The following SNTG2 variants were observed in gnomAD, a reference collection of about 807,000 sequenced individuals.
The protein encoded by SNTG2 is syntrophin gamma 2.
A neutral mutation model predicts 70.9 loss-of-function variants in SNTG2; 74 were observed. The observed-to-expected ratio is 1.04, with a 90% CI of 0.86 to 1.27. SNTG2 has a LOEUF of 1.27. SNTG2 is among the 50% of genes most tolerant of loss of function. The pLI is 0.00. For synonymous variants in SNTG2, 278 were observed against 273.8 expected (o/e 1.02, Z -0.15); for missense variants, 717 against 690.7 (o/e 1.04, Z -0.43).
intron 8 of SNTG2, among the ~76,000 whole-genome samples, chr2:1,189,590 G>T (rs1002328306): frequency 6.7e-6 from 1 of 150,054 alleles, no homozygotes; most frequent in East Asian, 2.0e-4. Context: ...ATGGAGTCTC[G>T]CTCTGTTGCC....
At chr2:1,230,330 G>A (rs897261358) in intron 9 of SNTG2, among the ~76,000 whole-genome samples, 1 of 152,170 alleles carries the variant, frequency 6.6e-6, no homozygotes, top group African/African-American at 2.4e-5. Flanking sequence ...TCAGAGGGAC[G>A]GGCACTGGAA....
chr2:1,099,824 G>A (rs979827121), intron 4 of SNTG2, among the ~76,000 whole-genome samples: 5 of 152,212 alleles, frequency 3.3e-5, no homozygotes, highest in Non-Finnish European at 5.9e-5. Context: ...CACAGAATGC[G>A]TTGCCATGAA....
intron 16 of SNTG2, among the ~76,000 whole-genome samples, chr2:1,334,461 A>G (rs961833606): frequency 2.6e-5 from 4 of 152,234 alleles, no homozygotes; most frequent in Non-Finnish European, 4.4e-5. Flanking sequence ...CCAAAGGAAA[A>G]AAAAGTCATA....
At chr2:1,279,848 A>G (rs1476080341) in intron 14 of SNTG2, among the ~76,000 whole-genome samples, 5 of 152,330 alleles carry the variant, frequency 3.3e-5, no homozygotes, top group Non-Finnish European at 7.3e-5. Context: ...GATACATTGT[A>G]TATGAGAGAG....
intron 6 of SNTG2, chr2:1,163,399 G>C (rs1572614931): frequency 6.6e-6 from 1 of 151,222 alleles, no homozygotes; most frequent in African/African-American, 2.5e-5. Flanking sequence ...CATCCCAGTA[G>C]GAAGCGGGCC....
At chr2:1,059,965 G>T (rs1314035092) in intron 1 of SNTG2, among the ~76,000 whole-genome samples, 1 of 152,042 alleles carries the variant, frequency 6.6e-6, no homozygotes, top group Non-Finnish European at 1.5e-5. Flanking sequence ...AAGAAAAGTG[G>T]CATGGCAGAT....
intron 14 of SNTG2, among the ~76,000 whole-genome samples, chr2:1,298,158 A>G (rs1458531032): frequency 6.6e-6 from 1 of 152,038 alleles, no homozygotes; most frequent in African/African-American, 2.4e-5. Context: ...TTTGAGACAG[A>G]GTCTACCTCT....
At chr2:1,281,219 GTTTGTGTT>G (rs1679501136) in intron 14 of SNTG2, among the ~76,000 whole-genome samples, 1 of 137,776 alleles carries the variant, frequency 7.3e-6, no homozygotes, top group Non-Finnish European at 1.6e-5. Context: ...GTGTGTGTGT[GTTTGTGTT>G]TATGTGGTGT....
intron 13 of SNTG2, chr2:1,262,873 C>T (rs1678519253): frequency 6.6e-6 from 1 of 152,334 alleles, no homozygotes; most frequent in African/African-American, 2.4e-5. Flanking sequence ...CGCTGACTGA[C>T]TGTTGACGGC....
In SNTG2 at chr2:1,046,387, G is replaced by A. The variant is rs548564589; in HGVS notation, c.73-37131G>A. 7.9e-5 allele frequency among the ~76,000 whole-genome samples: 12 copies of A among 152,196 alleles called. 1 individual carries two copies. Among genetic ancestry groups the A allele is most frequent in the South Asian group, 2.1e-4 (1 of 4,812 alleles). Reference sequence around the variant, plus strand: ...GTTTAAGATTGATATGTGCTGGTTCGATCCTGTCATCGTGTTATTAGGTAG... The same window carrying A: ...GTTTAAGATTGATATGTGCTGGTTCAATCCTGTCATCGTGTTATTAGGTAG... On this transcript the variant is annotated intron_variant, in intron 1 of 16. Coordinates refer to ENST00000308624, the MANE Select transcript of SNTG2 (RefSeq NM_018968.4).
chr2:1,322,719 C>T (rs1558207540), intron 16 of SNTG2, among the ~76,000 whole-genome samples: 1 of 151,910 alleles, frequency 6.6e-6, no homozygotes, highest in African/African-American at 2.4e-5. Context: ...CCTGAGTAAT[C>T]TGTGGTCTTG....
intron 11 of SNTG2, among the ~76,000 whole-genome samples, chr2:1,246,174 A>T (rs1380031346): frequency 6.6e-6 from 1 of 152,202 alleles, no homozygotes; most frequent in African/African-American, 2.4e-5. Flanking sequence ...GCATCAGGGG[A>T]TTCGTATTCA....
intron 2 of SNTG2, among the ~76,000 whole-genome samples, chr2:1,087,670 T>C (rs1664770138): frequency 1.3e-5 from 2 of 152,218 alleles, no homozygotes; most frequent in Non-Finnish European, 2.9e-5. Flanking sequence ...ATTAAGACCA[T>C]TAAATAACGT....
intron 1 of SNTG2, among the ~76,000 whole-genome samples, chr2:967,838 G>T (rs1660620359): frequency 6.6e-6 from 1 of 152,162 alleles, no homozygotes; most frequent in South Asian, 2.1e-4. Flanking sequence ...AGACCAGCCT[G>T]GCCAACATGG....
At chr2:1,055,221 A>T (rs1662315737) in intron 1 of SNTG2, among the ~76,000 whole-genome samples, 1 of 152,188 alleles carries the variant, frequency 6.6e-6, no homozygotes, top group African/African-American at 2.4e-5. Flanking sequence ...GTGTGAGAGG[A>T]GTGGGAATGT....
chr2:1,316,475 A>G (rs1681284299), intron 16 of SNTG2, 100 bp downstream of exon 16: 1 of 399,028 alleles, frequency 2.5e-6, no homozygotes, highest in African/African-American at 3.0e-5. Flanking sequence ...CATGCACACA[A>G]AAATAAACCA....
At chr2:1,335,174 C>G (rs1406476587) in intron 16 of SNTG2, among the ~76,000 whole-genome samples, 2 of 132,336 alleles carry the variant, frequency 1.5e-5, no homozygotes, top group Admixed American at 1.5e-4. Flanking sequence ...TGAACATACC[C>G]CCGTGCGTTC....
intron 8 of SNTG2, among the ~76,000 whole-genome samples, chr2:1,179,901 G>T (rs1671744873): frequency 7.7e-5 from 11 of 142,060 alleles, no homozygotes; most frequent in Non-Finnish European, 1.5e-5. Context: ...AGAGCCCTCA[G>T]AAATAATGCC....
In SNTG2 at chr2:1,221,451, C is replaced by CTCTG. The variant is rs1674821745; in HGVS notation, c.719+12224_719+12225insGTCT. 4.1e-4 allele frequency among the ~76,000 whole-genome samples: 53 copies of CTCTG among 129,144 alleles called. 14 individuals carry two copies. Among genetic ancestry groups the CTCTG allele is most frequent in the Non-Finnish European group, 6.6e-4 (39 of 59,210 alleles). The allele number at this position is 129,144 out of a possible 152,430, so 84.7% of individuals were successfully genotyped here. A position where few individuals can be genotyped will look rare whatever the true frequency, so the allele number is the denominator to read the frequency against. On this transcript the variant is annotated intron_variant, in intron 9 of 16. Coordinates refer to ENST00000308624, the MANE Select transcript of SNTG2 (RefSeq NM_018968.4). Reference sequence around the variant, plus strand: ...TGTCTCTCTCTGTCTCTGTCTCTGTCTCTCTCTGTCTCTGTCTCTCTGTCT... The same window carrying CTCTG: ...TGTCTCTCTCTGTCTCTGTCTCTGTCTCTGTCTCTCTGTCTCTGTCTCTCTGTCT...
Sources: gnomAD v4.1 joint callset for allele counts (sites outside exome capture counted in the v4.1 genomes callset) on GRCh38, gnomAD v4.1.1 for gene constraint, MANE v1.5 for transcripts, NCBI Gene and HGNC (gene_info 2026-07-23, HGNC 2026-07-21) for gene names.